The following KCNC2 variants were observed in gnomAD, a reference collection of about 807,000 sequenced individuals.
KCNC2 encodes the protein potassium voltage-gated channel subfamily C member 2, also known as voltage-gated potassium channel KCNC2.
In KCNC2, 21 loss-of-function variants were observed where a neutral mutation model predicts 44.5. The ratio of observed to expected loss-of-function variants is 0.47; its 90% confidence interval spans 0.33 to 0.68. The LOEUF (loss-of-function observed/expected upper bound fraction) is 0.68. KCNC2 is among the 30% of genes least tolerant of loss of function. The pLI, the probability that KCNC2 is intolerant of heterozygous loss-of-function variation, is 0.01. For missense variants in KCNC2, 589 were observed against 826.2 expected, an observed-to-expected ratio of 0.71 and a Z score of 3.52; for synonymous variants, 391 against 339.1, an observed-to-expected ratio of 1.15 and a Z score of -1.68.
intron 2 of KCNC2, among the ~76,000 whole-genome samples, chr12:75,163,016 A>G (rs1891218704): frequency 6.6e-6 from 1 of 151,700 alleles, no homozygotes; most frequent in Admixed American, 6.6e-5. Flanking sequence ...GCAGATCCAG[A>G]TCTGTCTCTC....
At chr12:75,043,283 G>A (rs200416277) in intron 4 of KCNC2, 42 bp from the exon 5 acceptor site, 81 of 1,607,492 alleles carry the variant, frequency 5.0e-5, no homozygotes, top group Non-Finnish European at 6.1e-5. Flanking sequence ...AATTCAACCA[G>A]AATATAGACA....
At chr12:75,140,969 T>G (rs1405099369) in intron 2 of KCNC2, among the ~76,000 whole-genome samples, 1 of 152,106 alleles carries the variant, frequency 6.6e-6, no homozygotes, top group Non-Finnish European at 1.5e-5. Flanking sequence ...TAAACAATGA[T>G]TCTCACTGTG....
At chr12:75,079,056 AC>A (rs1424700582) in intron 2 of KCNC2, among the ~76,000 whole-genome samples, 1 of 152,132 alleles carries the variant, frequency 6.6e-6, no homozygotes, top group African/African-American at 2.4e-5. Context: ...AAAGTTTAAA[AC>A]AATTTAGGGG....
At chr12:75,091,461 A>G (rs1427138635) in intron 2 of KCNC2, among the ~76,000 whole-genome samples, 3 of 151,636 alleles carry the variant, frequency 2.0e-5, no homozygotes, top group Admixed American at 2.0e-4. Flanking sequence ...CTTTCTTCGT[A>G]CATAGTTCTG....
rs1452036912 is a variant in KCNC2, at chr12:75,207,054, CT to C, written c.687+242del. On this transcript the variant is annotated intron_variant, in intron 2 of 4. Coordinates refer to ENST00000549446, the MANE Select transcript of KCNC2 (RefSeq NM_139137.4). The surrounding 1 kb of genome is among the most constrained non-coding windows in gnomAD (Gnocchi z 4.1). ...TCGACATTGGCCCTCTAGGTCCCATCTGCTAAAGCAAATCTGTTTGAGTTGG... is the reference window on the plus strand; with the variant it reads ...TCGACATTGGCCCTCTAGGTCCCATCGCTAAAGCAAATCTGTTTGAGTTGG... Among the ~76,000 whole-genome samples, 2 of 152,192 alleles carry C rather than the reference CT, an allele frequency of 1.3e-5. No individual in the cohort carries two copies. Among genetic ancestry groups the C allele is most frequent in the Non-Finnish European group, 2.9e-5 (2 of 68,042 alleles).
chr12:75,193,558 G>A (rs2030496229), intron 2 of KCNC2, among the ~76,000 whole-genome samples: 1 of 152,068 alleles, frequency 6.6e-6, no homozygotes, highest in Non-Finnish European at 1.5e-5. Flanking sequence ...ATCAACAGAA[G>A]AGAAGACAGT....
chr12:75,125,442 T>C (rs1421867996), intron 2 of KCNC2, among the ~76,000 whole-genome samples: 2 of 152,216 alleles, frequency 1.3e-5, no homozygotes, highest in East Asian at 1.9e-4. Context: ...CTTTTCAATA[T>C]ACCCACAATT....
chr12:75,131,685 A>C (rs1305537809), intron 2 of KCNC2, among the ~76,000 whole-genome samples: 2 of 152,192 alleles, frequency 1.3e-5, no homozygotes, highest in Non-Finnish European at 2.9e-5. Flanking sequence ...CCCAGGAAGC[A>C]TAACAAGGAA....
intron 2 of KCNC2, among the ~76,000 whole-genome samples, chr12:75,197,930 T>A (rs562596986): frequency 6.6e-6 from 1 of 151,788 alleles, no homozygotes; most frequent in East Asian, 1.9e-4. Context: ...ATTGAATCAA[T>A]GATGAAAAAA....
intron 2 of KCNC2, among the ~76,000 whole-genome samples, chr12:75,071,491 A>G (rs1009339249): frequency 2.0e-5 from 3 of 152,182 alleles, no homozygotes; most frequent in Non-Finnish European, 4.4e-5. Context: ...TAATTATCCT[A>G]TATCCCTATG....
intron 2 of KCNC2, among the ~76,000 whole-genome samples, chr12:75,060,466 AC>A (rs1565818864): frequency 6.6e-6 from 1 of 151,690 alleles, no homozygotes; most frequent in African/African-American, 2.4e-5. Flanking sequence ...TCTTTTAAAA[AC>A]CTTATTTTTA....
At chr12:75,096,436 T>A (rs902160116) in intron 2 of KCNC2, among the ~76,000 whole-genome samples, 4 of 152,034 alleles carry the variant, frequency 2.6e-5, no homozygotes, top group African/African-American at 9.7e-5. Context: ...TTATAACATT[T>A]TTAAAAAATA....
At chr12:75,189,625 G>T (rs2029999235) in intron 2 of KCNC2, among the ~76,000 whole-genome samples, 1 of 152,126 alleles carries the variant, frequency 6.6e-6, no homozygotes, top group African/African-American at 2.4e-5. Context: ...CCTGTGCTAG[G>T]CACCAGAATT....
intron 2 of KCNC2, among the ~76,000 whole-genome samples, chr12:75,129,047 G>A (rs1339234699): frequency 6.6e-6 from 1 of 152,188 alleles, no homozygotes; most frequent in Non-Finnish European, 1.5e-5. Context: ...TCATAATGAG[G>A]TTACCAGGGT....
chr12:75,172,364 C>T (rs1593022602), intron 2 of KCNC2, among the ~76,000 whole-genome samples: 1 of 151,776 alleles, frequency 6.6e-6, no homozygotes, highest in East Asian at 2.0e-4. Flanking sequence ...GGAAGACTAA[C>T]TAATGGATGC....
At chr12:75,098,958 G>T (rs1436173096) in intron 2 of KCNC2, among the ~76,000 whole-genome samples, 2 of 152,042 alleles carry the variant, frequency 1.3e-5, no homozygotes, top group African/African-American at 2.4e-5. Flanking sequence ...TGTTCTCCAT[G>T]CCCTGCTGAT....
chr12:75,192,841 G>A (rs144978247), intron 2 of KCNC2, among the ~76,000 whole-genome samples: 43 of 152,110 alleles, frequency 2.8e-4, no homozygotes, highest in South Asian at 6.2e-4. Flanking sequence ...GTAATCTATC[G>A]CACAAAATGG....
chr12:75,128,958 A>C (rs1888638723), intron 2 of KCNC2, among the ~76,000 whole-genome samples: 1 of 152,240 alleles, frequency 6.6e-6, no homozygotes, highest in Non-Finnish European at 1.5e-5. Flanking sequence ...CCAAATAGGA[A>C]CATATTCTTT....
chr12:75,081,694 T>A (rs776283008), intron 2 of KCNC2, among the ~76,000 whole-genome samples: 1 of 152,014 alleles, frequency 6.6e-6, no homozygotes, highest in Non-Finnish European at 1.5e-5. Context: ...ACTTATGTAA[T>A]AATTTGAAAA....
Sources: gnomAD v4.1 joint callset for allele counts (sites outside exome capture counted in the v4.1 genomes callset) on GRCh38, gnomAD v4.1.1 for gene constraint, Gnocchi (gnomAD v3.1) non-coding constraint, MANE v1.5 for transcripts, NCBI Gene and HGNC (gene_info 2026-07-23, HGNC 2026-07-21) for gene names.